Variants in CCDC3 observed in about 807,000 individuals in gnomAD.
The protein encoded by CCDC3 is coiled-coil domain containing 3.
A neutral mutation model predicts 21.4 loss-of-function variants in CCDC3; 24 were observed. The observed-to-expected ratio is 1.12, with a 90% CI of 0.81 to 1.58. The LOEUF is 1.58. Among genes scored for constraint, CCDC3 ranks in the 40% most tolerant of loss-of-function variants. The pLI is 0.00. For missense variants in CCDC3, 425 were observed against 360.9 expected (o/e 1.18, Z -1.44); for synonymous variants, 186 against 166.0 (o/e 1.12, Z -0.93).
intron 2 of CCDC3, among the ~76,000 whole-genome samples, chr10:12,945,961 T>G (rs1834910358): frequency 6.6e-6 from 1 of 152,222 alleles, no homozygotes; most frequent in Admixed American, 6.5e-5. Context: ...CCTAATTCTT[T>G]GGTTTAGTTG....
At chr10:12,935,527 T>G (rs1252946977) in intron 2 of CCDC3, among the ~76,000 whole-genome samples, 1 of 152,214 alleles carries the variant, frequency 6.6e-6, no homozygotes, top group Non-Finnish European at 1.5e-5. Flanking sequence ...TCTATTCCTA[T>G]TTTTTACTTC....
rs529092032 is a variant in CCDC3, at chr10:12,921,754, T to TG, written c.550-23076dup. ...TAGCCGGTTTCTGTTTTTTGTTTTT[T>TG]GTTTTTAAGACAGGGTCTAACTCTG... On this transcript the variant is annotated intron_variant, in intron 2 of 2. Transcript: ENST00000378825. 2.4e-3 allele frequency among the ~76,000 whole-genome samples: 363 copies of TG among 151,338 alleles called. 1 individual carries two copies. The highest frequency in any genetic ancestry group is 4.2e-3 in the Non-Finnish European group (282 of 67,518).
At chr10:12,982,428 C>T (rs621730) in intron 2 of CCDC3, among the ~76,000 whole-genome samples, 150,907 of 152,112 alleles carry the variant, frequency 0.99, 74,873 homozygotes, top group Middle Eastern at 1. Context: ...TATACGACAG[C>T]GTACACACAG....
intron 2 of CCDC3, among the ~76,000 whole-genome samples, chr10:12,934,785 T>C (rs1374447115): frequency 6.6e-6 from 1 of 152,004 alleles, no homozygotes; most frequent in Non-Finnish European, 1.5e-5. Context: ...AGTGTTGACA[T>C]GGTATGGCTT....
intron 2 of CCDC3, among the ~76,000 whole-genome samples, chr10:12,942,491 T>C (rs1452087740): frequency 6.6e-6 from 1 of 152,068 alleles, no homozygotes; most frequent in Non-Finnish European, 1.5e-5. Flanking sequence ...CTTGCACGGG[T>C]GAATGCTGGC....
At chr10:12,952,146 C>T (rs1277457778) in intron 2 of CCDC3, among the ~76,000 whole-genome samples, 7 of 152,172 alleles carry the variant, frequency 4.6e-5, no homozygotes. Context: ...GAAACAGGCT[C>T]ATGTGGTTCT....
rs1398748121 is a variant in CCDC3 at position 12,908,644 on chromosome 10, CT to C, written c.550-9966del. ...TTTTTTTTTGAGACAGAGTTTCCCT[CT>C]GTTGCCTATGCTGGAGTGCAGAGGT... On this transcript the variant is annotated intron_variant, in intron 2 of 2. Coordinates refer to ENST00000378825, the MANE Select transcript of CCDC3 (RefSeq NM_031455.4). 2.7e-5 allele frequency among the ~76,000 whole-genome samples: 4 copies of C among 148,296 alleles called. No individual in the cohort carries two copies. In the East Asian group the frequency reaches 7.9e-4, roughly 29 times the overall value.
At chr10:12,929,677 T>C (rs1834608291) in intron 2 of CCDC3, among the ~76,000 whole-genome samples, 1 of 152,174 alleles carries the variant, frequency 6.6e-6, no homozygotes, top group South Asian at 2.1e-4. Flanking sequence ...CCCTTCCACA[T>C]GGGTCCAGCA....
At chr10:12,964,478 T>C (rs1564301086) in intron 2 of CCDC3, among the ~76,000 whole-genome samples, 1 of 152,212 alleles carries the variant, frequency 6.6e-6, no homozygotes. Flanking sequence ...AGTTTATGCC[T>C]GGAAGTGCTG....
chr10:12,948,786 G>A (rs1294828347), intron 2 of CCDC3, among the ~76,000 whole-genome samples: 2 of 125,824 alleles, frequency 1.6e-5, no homozygotes, highest in Non-Finnish European at 3.1e-5. Flanking sequence ...AGGCTGGACT[G>A]CAGTGGCCTA....
At chr10:12,973,363 G>A (rs899700109) in intron 2 of CCDC3, among the ~76,000 whole-genome samples, 1 of 152,128 alleles carries the variant, frequency 6.6e-6, no homozygotes, top group African/African-American at 2.4e-5. Flanking sequence ...TGGAGGGGGA[G>A]GAGGCTCTCC....
chr10:12,998,123 T>C (rs960663039), intron 2 of CCDC3, among the ~76,000 whole-genome samples: 2 of 152,162 alleles, frequency 1.3e-5, no homozygotes, highest in African/African-American at 2.4e-5. Context: ...GAACTCCTTA[T>C]CCAACAGTAA....
chr10:12,979,274 T>C (rs1485257584), intron 2 of CCDC3, among the ~76,000 whole-genome samples: 1 of 152,138 alleles, frequency 6.6e-6, no homozygotes, highest in Admixed American at 6.6e-5. Context: ...ACTTTTCACA[T>C]GAAAGATGTA....
intron 5 of CCDC3, among the ~76,000 whole-genome samples, chr10:13,032,109 C>A (rs1160045201): frequency 6.6e-6 from 1 of 152,030 alleles, no homozygotes; most frequent in Non-Finnish European, 1.5e-5. Context: ...ACTGGCAAAC[C>A]GAACCCAGCA....
At chr10:12,902,003 G>C (rs1834100693) in intron 2 of CCDC3, among the ~76,000 whole-genome samples, 1 of 152,110 alleles carries the variant, frequency 6.6e-6, no homozygotes, top group East Asian at 1.9e-4. Flanking sequence ...CCCTGTGTAT[G>C]TAATGTGTCC....
chr10:13,075,276 T>A (rs372595733), intron 3 of CCDC3, among the ~76,000 whole-genome samples: 2 of 152,360 alleles, frequency 1.3e-5, no homozygotes, highest in African/African-American at 4.8e-5. Flanking sequence ...TTGTTTTGCG[T>A]ATCACTGTAT....
At chr10:12,968,202 T>TACATACACACACAC (rs1554757156) in intron 2 of CCDC3, among the ~76,000 whole-genome samples, 1 of 143,488 alleles carries the variant, frequency 7.0e-6, no homozygotes. Flanking sequence ...CACACACACA[T>TACATACACACACAC]ACACACACAC....
chr10:12,964,493 C>CT (rs1835229700), intron 2 of CCDC3, among the ~76,000 whole-genome samples: 1 of 152,120 alleles, frequency 6.6e-6, no homozygotes, highest in African/African-American at 2.4e-5. Flanking sequence ...GTGCTGCAGC[C>CT]TTTTTGCATC....
At chr10:13,050,423 A>C (rs1836589159) in intron 4 of CCDC3, among the ~76,000 whole-genome samples, 1 of 152,022 alleles carries the variant, frequency 6.6e-6, no homozygotes, top group Admixed American at 6.6e-5. Flanking sequence ...GGCTTAGAGA[A>C]AACTGGTAAT....
Sources: allele counts gnomAD v4.1 joint callset (sites outside exome capture counted in the v4.1 genomes callset), GRCh38; gene constraint gnomAD v4.1.1; transcripts MANE v1.5; gene names NCBI Gene and HGNC (gene_info 2026-07-23, HGNC 2026-07-21).